SLIT1: variants seen among roughly 807,000 people sequenced by gnomAD.
SLIT1 encodes slit homolog 1 protein.
In SLIT1, 66 loss-of-function variants were observed where a neutral mutation model predicts 186.1. The ratio of observed to expected loss-of-function variants is 0.35; its 90% CI spans 0.29 to 0.44. The LOEUF (loss-of-function observed/expected upper bound fraction) is 0.44, where lower values mean the gene tolerates loss of function less well. Ranked by LOEUF, SLIT1 falls within the 20% of genes least tolerant of loss-of-function variation. SLIT1 has a pLI of 1.00. For synonymous variants in SLIT1, 761 were observed against 833.8 expected, an observed-to-expected ratio of 0.91 and a Z score of 1.50; for missense variants, 1,638 against 2,037.4, an observed-to-expected ratio of 0.80 and a Z score of 3.77.
chr10:97,157,887 C>T lies in SLIT1; in HGVS notation c.344G>A (p.Arg115Gln), dbSNP rs756666368. ...FDDMKELERL[R>Q]LNRNQLHMLP... ...CATGTGCAGCTGGTTTCGGTTCAGT[C>T]GCCTATAAAAGAGAAGAAGAATTGG... The change falls in exon 4 of 37, where the codon CGA becomes CAA. Residue 115 changes from arginine to glutamine, a missense_variant and splice_region_variant. Physicochemically the swap from Arg to Gln is conservative, Grantham distance 43 (BLOSUM62 1). This residue lies in a region of SLIT1 where 1,245 missense variants were observed against 1,535.3 expected (regional missense o/e 0.81). Transcript: ENST00000266058. The T allele has an allele frequency of 4.3e-6, 7 of 1,612,652 alleles. No homozygotes were observed. In the African/African-American group the frequency reaches 5.3e-5, roughly 12 times the overall value.
At chr10:97,078,210 A>T (rs1849064540) in intron 4 of SLIT1, among the ~76,000 whole-genome samples, 2 of 152,302 alleles carry the variant, frequency 1.3e-5, no homozygotes, top group East Asian at 1.9e-4. Flanking sequence ...GGGGCCTGAC[A>T]CTGTGGATGG....
At chr10:97,132,064 C>T (rs1376696478) in intron 4 of SLIT1, among the ~76,000 whole-genome samples, 6 of 152,190 alleles carry the variant, frequency 3.9e-5, no homozygotes, top group Admixed American at 3.9e-4. Context: ...AGCTCCGGGA[C>T]GATGCCCCAT....
intron 16 of SLIT1, 25 bp from the exon 17 acceptor site, chr10:97,047,090 C>A (rs1589373834): frequency 4.8e-6 from 7 of 1,461,188 alleles, no homozygotes; most frequent in East Asian, 2.3e-5. Flanking sequence ...AATGAACTTG[C>A]ACATTCACAA....
chr10:97,047,353 A>G (rs149740147), intron 16 of SLIT1, among the ~76,000 whole-genome samples: 2 of 152,362 alleles, frequency 1.3e-5, no homozygotes, highest in African/African-American at 4.8e-5. Flanking sequence ...ATATTTTTAG[A>G]TAGAGGAATA....
chr10:97,054,659 G>A (rs533235097), intron 13 of SLIT1, among the ~76,000 whole-genome samples: 55 of 152,168 alleles, frequency 3.6e-4, no homozygotes, highest in Non-Finnish European at 5.9e-5. Flanking sequence ...GAACCTGACC[G>A]AGCTCCTAGA....
intron 4 of SLIT1, among the ~76,000 whole-genome samples, chr10:97,098,319 C>T (rs1849313101): frequency 6.6e-6 from 1 of 152,204 alleles, no homozygotes; most frequent in South Asian, 2.1e-4. Flanking sequence ...GCTCCCAACT[C>T]AGAGCTGGGG....
chr10:97,162,751 A>G (rs1816926950), intron 3 of SLIT1, among the ~76,000 whole-genome samples: 1 of 152,032 alleles, frequency 6.6e-6, no homozygotes, highest in South Asian at 2.1e-4. Context: ...CTACAGCCAA[A>G]CCACTTTCAG....
At chr10:97,142,210 C>A (rs1033446596) in intron 4 of SLIT1, among the ~76,000 whole-genome samples, 1 of 151,986 alleles carries the variant, frequency 6.6e-6, no homozygotes, top group Admixed American at 6.5e-5. Context: ...TTGGAAGACT[C>A]ATACCTCCCG....
chr10:96,998,671 T>A lies in SLIT1; in HGVS notation c.*2441A>T, dbSNP rs535660832. On this transcript the variant is annotated 3_prime_UTR_variant, in exon 37 of 37. Transcript: ENST00000266058. ...GCCAAGTTGGAGAAAAAGTTGATCC[T>A]GGGGCACACAGCTCTCACATCATCT... 1 of 152,432 alleles carries A rather than the reference T, an allele frequency of 6.6e-6. No individual in the cohort carries two copies. The highest frequency in any genetic ancestry group is 2.4e-5 in the African/African-American group (1 of 41,582). 9.4% of individuals were successfully genotyped at this position (152,432 alleles called of 1,614,324 possible). A position where few individuals can be genotyped will look rare whatever the true frequency, so the allele number is the denominator to read the frequency against.
intron 16 of SLIT1, 97 bp downstream of exon 16, chr10:97,047,593 C>A: frequency 7.7e-7 from 1 of 1,298,702 alleles, no homozygotes; most frequent in Admixed American, 1.8e-5. Context: ...GTGGTTCAGC[C>A]CCAGACAGGG....
intron 21 of SLIT1, among the ~76,000 whole-genome samples, chr10:97,039,151 C>T (rs982483861): frequency 2.6e-5 from 4 of 152,268 alleles, no homozygotes; most frequent in Non-Finnish European, 2.9e-5. Flanking sequence ...GAAGCCTCAT[C>T]GCTGGTCCTG....
chr10:97,106,816 T>C (rs1229326479), intron 4 of SLIT1, among the ~76,000 whole-genome samples: 1 of 152,156 alleles, frequency 6.6e-6, no homozygotes, highest in Non-Finnish European at 1.5e-5. Context: ...CTTTGATAAC[T>C]GAACCCTAGA....
At chr10:97,060,895 G>T in intron 8 of SLIT1, 108 bp from the exon 9 acceptor site, 6 of 1,222,542 alleles carry the variant, frequency 4.9e-6, no homozygotes, top group Non-Finnish European at 6.7e-6. Context: ...AGTTTCTCTC[G>T]ATAAGGATGA....
intron 4 of SLIT1, among the ~76,000 whole-genome samples, chr10:97,107,638 A>G (rs1202981806): frequency 6.6e-6 from 1 of 152,200 alleles, no homozygotes; most frequent in African/African-American, 2.4e-5. Flanking sequence ...AGGAAATTGC[A>G]AGGAAATGCA....
At chr10:97,071,918 T>G (rs552272373) in intron 4 of SLIT1, among the ~76,000 whole-genome samples, 13 of 152,324 alleles carry the variant, frequency 8.5e-5, no homozygotes, top group African/African-American at 2.9e-4. Flanking sequence ...AAAGTACAAT[T>G]CAGCAAATGC....
chr10:97,122,473 G>A (rs917919292), intron 4 of SLIT1, among the ~76,000 whole-genome samples: 3 of 152,192 alleles, frequency 2.0e-5, no homozygotes, highest in Admixed American at 6.5e-5. Flanking sequence ...TCCAGCCCAC[G>A]AGGTGAGGAG....
chr10:97,088,067 A>C (rs917375467), intron 4 of SLIT1, among the ~76,000 whole-genome samples: 1 of 152,054 alleles, frequency 6.6e-6, no homozygotes, highest in African/African-American at 2.4e-5. Context: ...TCAGCTGCAC[A>C]CTGGAACTAT....
At chr10:97,049,444 G>A (rs1264809831) in intron 13 of SLIT1, among the ~76,000 whole-genome samples, 1 of 152,180 alleles carries the variant, frequency 6.6e-6, no homozygotes, top group Non-Finnish European at 1.5e-5. Flanking sequence ...TCACGAGCAC[G>A]AGCGGAGACA....
At chr10:97,024,066 T>C (rs138244138) in intron 25 of SLIT1, among the ~76,000 whole-genome samples, 2 of 152,308 alleles carry the variant, frequency 1.3e-5, no homozygotes, top group East Asian at 3.9e-4. Flanking sequence ...CTAAAGTTCA[T>C]TGATATCAAC....
Sources: gnomAD v4.1 joint callset for allele counts (sites outside exome capture counted in the v4.1 genomes callset) on GRCh38, gnomAD v4.1.1 for gene constraint, gnomAD v4.1.1 regional missense constraint, MANE v1.5 for transcripts, NCBI Gene and HGNC (gene_info 2026-07-23, HGNC 2026-07-21) for gene names.